UGCG: variants seen among roughly 807,000 people sequenced by gnomAD.
UGCG encodes UDP-glucose ceramide glucosyltransferase.
A neutral mutation model predicts 49.5 loss-of-function variants in UGCG; 10 were observed. That is an observed-to-expected ratio of 0.20 (90% CI 0.12 to 0.34). The LOEUF (loss-of-function observed/expected upper bound fraction) is 0.34, where lower values mean the gene tolerates loss of function less well. Among genes scored for constraint, UGCG ranks in the 10% least tolerant of loss-of-function variants. The probability of loss-of-function intolerance (pLI) is 1.00; values close to 1 mark genes in which losing one functional copy is unlikely to be tolerated. For synonymous variants in UGCG, 182 were observed against 158.2 expected, an observed-to-expected ratio of 1.15 and a Z score of -1.13; for missense variants, 312 against 483.7, an observed-to-expected ratio of 0.65 and a Z score of 3.33.
At chr9:111,918,925 A>C (rs1287700466) in intron 2 of UGCG, among the ~76,000 whole-genome samples, 1 of 63,678 alleles carries the variant, frequency 1.6e-5, no homozygotes, top group African/African-American at 7.9e-5. Flanking sequence ...ACTCCGTCTC[A>C]AAAAAAAAAA....
chr9:111,906,769 G>T (rs1249636539), intron 1 of UGCG, among the ~76,000 whole-genome samples: 1 of 152,044 alleles, frequency 6.6e-6, no homozygotes, highest in African/African-American at 2.4e-5. Flanking sequence ...TTGTGTGCTT[G>T]TCTCTTTCTT....
intron 1 of UGCG, among the ~76,000 whole-genome samples, chr9:111,903,204 C>T (rs1269752773): frequency 6.6e-6 from 1 of 152,186 alleles, no homozygotes; most frequent in Non-Finnish European, 1.5e-5. Flanking sequence ...CAGTGGGTTT[C>T]CCTGCATCCC....
At chr9:111,912,888 GGTGTGT>G (rs112247185) in intron 1 of UGCG, among the ~76,000 whole-genome samples, 5,866 of 150,928 alleles carry the variant, frequency 0.039, 162 homozygotes, top group African/African-American at 0.075. Flanking sequence ...TTGTAAACCT[GGTGTGT>G]GTGTGTGTGT....
At chr9:111,898,264 A>G (rs545616463) in intron 1 of UGCG, among the ~76,000 whole-genome samples, 6 of 152,252 alleles carry the variant, frequency 3.9e-5, no homozygotes, top group African/African-American at 1.4e-4. Flanking sequence ...CATTACTGAT[A>G]TCGATTCACT....
intron 1 of UGCG, among the ~76,000 whole-genome samples, chr9:111,907,176 G>A (rs962276454): frequency 6.6e-6 from 1 of 152,200 alleles, no homozygotes; most frequent in African/African-American, 2.4e-5. Context: ...CCTAGGAGTA[G>A]TTGGATGCTT....
chr9:111,931,903 C>A (rs62570277), intron 7 of UGCG, among the ~76,000 whole-genome samples: 2,801 of 151,940 alleles, frequency 0.018, 37 homozygotes, highest in Non-Finnish European at 0.029. Context: ...GGCGTGTACA[C>A]CTGTGGTCCC....
At chr9:111,927,811 C>A (rs1838352106) in intron 5 of UGCG, among the ~76,000 whole-genome samples, 1 of 152,020 alleles carries the variant, frequency 6.6e-6, no homozygotes, top group African/African-American at 2.4e-5. Flanking sequence ...GTCTTTATTT[C>A]CCCCACCACC....
At chr9:111,901,610 C>T (rs752966839) in intron 1 of UGCG, among the ~76,000 whole-genome samples, 3 of 152,072 alleles carry the variant, frequency 2.0e-5, no homozygotes, top group Non-Finnish European at 4.4e-5. Context: ...ATGGGATGAC[C>T]TGGGCAGCAA....
At position 111,899,540 on chromosome 9, in the gene UGCG, T is replaced by C. The variant is rs78779707; in HGVS notation, c.98+2227T>C. 5.4e-4 allele frequency among the ~76,000 whole-genome samples: 82 copies of C among 152,352 alleles called. 1 individual carries two copies. Among genetic ancestry groups the C allele is most frequent in the African/African-American group, 1.9e-3 (80 of 41,588 alleles). Reference sequence around the variant, plus strand: ...TTTTCTGTCACATGTAGCATTCTTTTCCCCAGTCTGTTTTTTGTCTTTTAA... The same window carrying C: ...TTTTCTGTCACATGTAGCATTCTTTCCCCCAGTCTGTTTTTTGTCTTTTAA... On this transcript the variant is annotated intron_variant, in intron 1 of 8. Coordinates refer to ENST00000374279, the MANE Select transcript of UGCG (RefSeq NM_003358.3).
At position 111,933,029 on chromosome 9, in the gene UGCG, A is replaced by G. The variant is rs768219751; in HGVS notation, c.*32A>G. On this transcript the variant is annotated 3_prime_UTR_variant, in exon 9 of 9. Coordinates refer to ENST00000374279, the MANE Select transcript of UGCG (RefSeq NM_003358.3). ...CTTTGTGACTGTATATAAAGGAAAA[A>G]AGAGAAGTATTATAAATTATGTTTA... 4 of 1,435,722 alleles carry G rather than the reference A, an allele frequency of 2.8e-6. No individual in the cohort carries two copies. Among genetic ancestry groups the G allele is most frequent in the African/African-American group, 1.5e-5 (1 of 68,608 alleles). 88.9% of individuals were successfully genotyped at this position (1,435,722 alleles called of 1,614,324 possible).
chr9:111,926,102 CAG>C (rs1489585277), intron 4 of UGCG, among the ~76,000 whole-genome samples: 1 of 152,146 alleles, frequency 6.6e-6, no homozygotes, highest in East Asian at 1.9e-4. Context: ...GAAGTTCCAA[CAG>C]GGGGTAACTT....
rs1838035964 is a variant in UGCG, at chr9:111,912,720, G to A, written c.99-1885G>A. On this transcript the variant is annotated intron_variant, in intron 1 of 8. Transcript: ENST00000374279. ...AGTTTCTAAAAGGTTTCACTCAATT[G>A]TTTCTCACTTGCAAACCAGTAAAAA... Among the ~76,000 whole-genome samples the A allele has an allele frequency of 2.6e-5, 4 of 152,110 alleles. No homozygotes were observed. The South Asian group carries it at 8.3e-4, about 32-fold the overall frequency.
intron 1 of UGCG, among the ~76,000 whole-genome samples, chr9:111,907,931 C>T (rs1193557683): frequency 2.0e-5 from 3 of 152,150 alleles, no homozygotes; most frequent in African/African-American, 7.2e-5. Flanking sequence ...ACCCAGCCTA[C>T]CTTATTTTCT....
At chr9:111,903,796 G>A (rs983887411) in intron 1 of UGCG, among the ~76,000 whole-genome samples, 1 of 152,048 alleles carries the variant, frequency 6.6e-6, no homozygotes, top group African/African-American at 2.4e-5. Context: ...GGGTTCCGCC[G>A]TGTTGGCTAG....
chr9:111,906,210 G>C lies in UGCG; in HGVS notation c.99-8395G>C, dbSNP rs147118052. Among the ~76,000 whole-genome samples the C allele has an allele frequency of 2.4e-4, 36 of 152,176 alleles. No homozygotes were observed. The South Asian group carries it at 7.5e-3, about 32-fold the overall frequency. ...ATGTCTTGAGAGTAAATTAAAGTTC[G>C]TATGTTCAAAAGTTCATTACTCTTT... On this transcript the variant is annotated intron_variant, in intron 1 of 8. Transcript: ENST00000374279.
At chr9:111,924,308 TTAAC>T (rs1397222187) in intron 3 of UGCG, among the ~76,000 whole-genome samples, 2 of 152,214 alleles carry the variant, frequency 1.3e-5, no homozygotes, top group Non-Finnish European at 2.9e-5. Context: ...ATTAAGTTAA[TTAAC>T]ATATGCATTA....
chr9:111,915,237 G>C (rs1838091523), intron 2 of UGCG, among the ~76,000 whole-genome samples: 1 of 152,072 alleles, frequency 6.6e-6, no homozygotes, highest in Non-Finnish European at 1.5e-5. Context: ...TTTCCTTACT[G>C]TTCTGATTTT....
rs1165734747 is a variant in UGCG at position 111,907,794 on chromosome 9, A to AT, written c.99-6805dup. 2.6e-5 allele frequency among the ~76,000 whole-genome samples: 4 copies of AT among 151,612 alleles called. No homozygotes were observed. The South Asian group carries it at 6.3e-4, about 24-fold the overall frequency. Reference sequence around the variant, plus strand: ...CACGTGAGGCCACACCTGGCTAATTATTTTTTGTATTTTTAGAAGAGATAG... The same window carrying AT: ...CACGTGAGGCCACACCTGGCTAATTATTTTTTTGTATTTTTAGAAGAGATAG... On this transcript the variant is annotated intron_variant, in intron 1 of 8. Coordinates refer to ENST00000374279, the MANE Select transcript of UGCG (RefSeq NM_003358.3).
intron 1 of UGCG, among the ~76,000 whole-genome samples, chr9:111,897,558 G>A (rs1179467977): frequency 6.6e-6 from 1 of 152,218 alleles, no homozygotes; most frequent in Non-Finnish European, 1.5e-5. Context: ...CCAGGCTAAA[G>A]GAGACTGCTC....
Sources: allele counts gnomAD v4.1 joint callset (sites outside exome capture counted in the v4.1 genomes callset), GRCh38; gene constraint gnomAD v4.1.1; transcripts MANE v1.5; gene names NCBI Gene and HGNC (gene_info 2026-07-23, HGNC 2026-07-21).